ASTN2: variants seen among roughly 807,000 people sequenced by gnomAD.
The protein encoded by ASTN2 is astrotactin 2.
A neutral mutation model predicts 139.8 loss-of-function variants in ASTN2; 54 were observed. The observed-to-expected ratio is 0.39, with a 90% CI of 0.31 to 0.48. The LOEUF is 0.48. Among genes scored for constraint, ASTN2 ranks in the 20% least tolerant of loss-of-function variants. The pLI, the probability that ASTN2 is intolerant of heterozygous loss-of-function variation, is 0.95. For synonymous variants in ASTN2, 756 were observed against 719.5 expected (o/e 1.05, Z -0.81); for missense variants, 1,565 against 1,725.1 (o/e 0.91, Z 1.64).
chr9:116,813,030 T>C (rs1831209737), intron 12 of ASTN2, among the ~76,000 whole-genome samples: 1 of 152,188 alleles, frequency 6.6e-6, no homozygotes, highest in African/African-American at 2.4e-5. Flanking sequence ...TTTTAAATTT[T>C]ATTTTTGTAC....
intron 3 of ASTN2, among the ~76,000 whole-genome samples, chr9:117,159,404 T>G (rs1176880205): frequency 6.6e-6 from 1 of 152,060 alleles, no homozygotes; most frequent in Non-Finnish European, 1.5e-5. Flanking sequence ...TGGAGTCTAC[T>G]GAGGAAGGCG....
chr9:116,428,705 G>C (rs1001575517), intron 22 of ASTN2, among the ~76,000 whole-genome samples: 1 of 152,100 alleles, frequency 6.6e-6, no homozygotes, highest in African/African-American at 2.4e-5. Flanking sequence ...ACAACCACAG[G>C]CTCCAGAACA....
chr9:117,003,554 T>TGTGTGTGTGTGTGTGC (rs1837254544), intron 7 of ASTN2, among the ~76,000 whole-genome samples: 1 of 150,146 alleles, frequency 6.7e-6, no homozygotes, highest in Non-Finnish European at 1.5e-5. Context: ...TGTGTGTGTG[T>TGTGTGTGTGTGTGTGC]ATTTAAATCT....
In ASTN2 at chr9:116,550,601, C is replaced by T. The variant is rs148232596; in HGVS notation, c.3356-63101G>A. 5.3e-5 allele frequency among the ~76,000 whole-genome samples: 8 copies of T among 152,216 alleles called. No individual in the cohort carries two copies. In the South Asian group the frequency reaches 8.3e-4, roughly 16 times the overall value. On this transcript the variant is annotated intron_variant, in intron 19 of 22. Coordinates refer to ENST00000313400, the MANE Select transcript of ASTN2 (RefSeq NM_001365068.1). ...GGAAAAGGGAGAGAAAATAAGAATG[C>T]GTCCAACAGTGCTGCAATATAAGGA... is the stretch of plus-strand genomic sequence containing the variant.
chr9:116,880,948 C>T (rs576853118), intron 10 of ASTN2, among the ~76,000 whole-genome samples: 41 of 152,252 alleles, frequency 2.7e-4, no homozygotes, highest in African/African-American at 6.3e-4. Flanking sequence ...CACATAAAGA[C>T]GTCATGAGGT....
At chr9:116,959,475 C>T (rs941530383) in intron 10 of ASTN2, among the ~76,000 whole-genome samples, 4 of 152,042 alleles carry the variant, frequency 2.6e-5, no homozygotes, top group Non-Finnish European at 4.4e-5. Flanking sequence ...GGGTCTAAAG[C>T]AAGTTTGCGG....
In ASTN2 at chr9:116,521,101, T is replaced by G. The variant is rs181532595; in HGVS notation, c.3356-33601A>C. ...TGCCAAAAGCAATCTACAAATTCAA[T>G]GCAATTCCTATCAAAATACCAACAC... On this transcript the variant is annotated intron_variant, in intron 19 of 22. Transcript: ENST00000313400. 5.3e-5 allele frequency among the ~76,000 whole-genome samples: 8 copies of G among 151,994 alleles called. No homozygotes were observed. The East Asian group carries it at 1.5e-3, about 29-fold the overall frequency.
intron 13 of ASTN2, among the ~76,000 whole-genome samples, chr9:116,764,313 G>A (rs935725732): frequency 2.6e-5 from 4 of 152,172 alleles, no homozygotes; most frequent in African/African-American, 9.7e-5. Flanking sequence ...GTTATTGCAG[G>A]AGTATCAAGA....
At chr9:117,181,065 G>T in intron 3 of ASTN2, 1 of 1,393,126 alleles carries the variant, frequency 7.2e-7, no homozygotes, top group Non-Finnish European at 1.0e-6. Flanking sequence ...ACATCTGAAA[G>T]GCCTGTTTCC....
intron 13 of ASTN2, among the ~76,000 whole-genome samples, chr9:116,786,248 C>T (rs1830372546): frequency 6.6e-6 from 1 of 152,112 alleles, no homozygotes; most frequent in African/African-American, 2.4e-5. Flanking sequence ...ACATAGAATC[C>T]CCTGCCTAAA....
At chr9:117,395,732 G>A (rs140448096) in intron 1 of ASTN2, among the ~76,000 whole-genome samples, 47 of 147,720 alleles carry the variant, frequency 3.2e-4, no homozygotes, top group African/African-American at 1.0e-3. Context: ...GAATTGGGGT[G>A]CAAATACGCA....
At chr9:116,589,399 T>C (rs1265006949) in intron 19 of ASTN2, among the ~76,000 whole-genome samples, 1 of 152,188 alleles carries the variant, frequency 6.6e-6, no homozygotes, top group Non-Finnish European at 1.5e-5. Flanking sequence ...ATGTATAGTG[T>C]CCCTCTCAGA....
At chr9:116,565,215 A>AC in intron 19 of ASTN2, among the ~76,000 whole-genome samples, 1 of 134,302 alleles carries the variant, frequency 7.4e-6, no homozygotes, top group African/African-American at 2.9e-5. Flanking sequence ...GCTTGCCACA[A>AC]ACACACACAC....
chr9:117,356,826 G>A (rs1006897583), intron 1 of ASTN2, among the ~76,000 whole-genome samples: 1 of 152,142 alleles, frequency 6.6e-6, no homozygotes, highest in African/African-American at 2.4e-5. Flanking sequence ...CATTTGGGAG[G>A]CTGAGGTGGG....
chr9:116,817,132 A>G (rs1003376017), intron 12 of ASTN2, among the ~76,000 whole-genome samples: 2 of 151,840 alleles, frequency 1.3e-5, no homozygotes, highest in African/African-American at 4.8e-5. Flanking sequence ...ATCTCTACTA[A>G]AAATACAAAA....
intron 2 of ASTN2, among the ~76,000 whole-genome samples, chr9:117,266,006 C>G (rs997519683): frequency 1.3e-5 from 2 of 152,164 alleles, no homozygotes; most frequent in Non-Finnish European, 2.9e-5. Flanking sequence ...AAGATTTGCT[C>G]TAGTGGTAAA....
intron 10 of ASTN2, among the ~76,000 whole-genome samples, chr9:116,948,849 A>G (rs1835479908): frequency 1.6e-5 from 2 of 122,442 alleles, no homozygotes; most frequent in Non-Finnish European, 3.2e-5. Context: ...CTGGAGTGCA[A>G]TGGCTCAATA....
intron 10 of ASTN2, among the ~76,000 whole-genome samples, chr9:116,937,655 G>A (rs1384773123): frequency 1.1e-4 from 16 of 152,120 alleles, no homozygotes; most frequent in Non-Finnish European, 1.5e-5. Context: ...ACTTTTGGGG[G>A]AGTGGGTAGA....
chr9:117,083,615 T>C (rs1029612190), intron 5 of ASTN2, among the ~76,000 whole-genome samples: 17 of 151,916 alleles, frequency 1.1e-4, no homozygotes, highest in Non-Finnish European at 1.9e-4. Flanking sequence ...GATGACAGAG[T>C]ATTCTTGCTT....
Sources: allele counts gnomAD v4.1 joint callset (sites outside exome capture counted in the v4.1 genomes callset), GRCh38; gene constraint gnomAD v4.1.1; transcripts MANE v1.5; gene names NCBI Gene and HGNC (gene_info 2026-07-23, HGNC 2026-07-21).